The following ANKH variants were observed in gnomAD, a reference collection of about 807,000 sequenced individuals.
The protein encoded by ANKH is ANKH inorganic pyrophosphate transport regulator.
Under a neutral mutation model 49.0 loss-of-function variants are expected in ANKH, and 15 were observed. The observed-to-expected ratio is 0.31, with a 90% CI of 0.20 to 0.47. ANKH has a LOEUF of 0.47. Among genes scored for constraint, ANKH ranks in the 20% least tolerant of loss-of-function variants. The pLI is 1.00. For synonymous variants in ANKH, 273 were observed against 260.0 expected, an observed-to-expected ratio of 1.05 and a Z score of -0.48; for missense variants, 429 against 652.0, an observed-to-expected ratio of 0.66 and a Z score of 3.72.
rs968679127 is a variant in ANKH, at chr5:14,856,447, A to G, written c.96+14905T>C. On this transcript the variant is annotated intron_variant, in intron 1 of 11. Transcript: ENST00000284268. ...TTTACAGTTGAAAAAGTTGAAGCCT[A>G]CAGAGTTCTCTGCTCAAGGTCACAG... 6.6e-5 allele frequency among the ~76,000 whole-genome samples: 7 copies of G among 106,282 alleles called. No individual in the cohort carries two copies. The South Asian group carries it at 1.4e-3, about 21-fold the overall frequency. 69.7% of individuals were successfully genotyped at this position (106,282 alleles called of 152,430 possible).
chr5:14,727,387 A>C (rs1580009919), intron 8 of ANKH, among the ~76,000 whole-genome samples: 1 of 151,958 alleles, frequency 6.6e-6, no homozygotes, highest in South Asian at 2.1e-4. Context: ...TGAAAACTAA[A>C]TCATCCCTTC....
intron 1 of ANKH, among the ~76,000 whole-genome samples, chr5:14,784,707 G>C (rs1739918917): frequency 6.6e-6 from 1 of 152,112 alleles, no homozygotes; most frequent in African/African-American, 2.4e-5. Context: ...GGAAGTCTGG[G>C]TAAAGAAATC....
At chr5:14,871,055 C>T (rs1180339670) in intron 1 of ANKH, 4 of 509,824 alleles carry the variant, frequency 7.8e-6, no homozygotes, top group African/African-American at 1.9e-5. Context: ...CTGAGGTTTA[C>T]ATAATCGCAA....
chr5:14,864,974 T>A (rs1173409158), intron 1 of ANKH, among the ~76,000 whole-genome samples: 1 of 151,776 alleles, frequency 6.6e-6, no homozygotes, highest in East Asian at 1.9e-4. Context: ...TAAAAATAAA[T>A]CGGCGGCCAG....
At chr5:14,849,118 T>C (rs576728003) in intron 1 of ANKH, among the ~76,000 whole-genome samples, 8 of 152,330 alleles carry the variant, frequency 5.3e-5, no homozygotes, top group African/African-American at 1.9e-4. Context: ...CTCCCAGTGC[T>C]ATGCTTACTT....
intron 8 of ANKH, among the ~76,000 whole-genome samples, chr5:14,728,036 C>T (rs1737875354): frequency 6.6e-6 from 1 of 152,168 alleles, no homozygotes; most frequent in African/African-American, 2.4e-5. Flanking sequence ...ACCTAAATTC[C>T]CCCAAAACAA....
chr5:14,816,139 T>TTC (rs1294311005), intron 1 of ANKH, among the ~76,000 whole-genome samples: 1 of 152,224 alleles, frequency 6.6e-6, no homozygotes, highest in African/African-American at 2.4e-5. Context: ...TTATGCTAAA[T>TTC]TCCTTTCTTT....
chr5:14,856,998 T>C (rs1254203506), intron 1 of ANKH, among the ~76,000 whole-genome samples: 3 of 152,190 alleles, frequency 2.0e-5, no homozygotes, highest in Non-Finnish European at 2.9e-5. Context: ...AGTGAACTCA[T>C]TGAAAGAAAG....
chr5:14,713,434 C>T lies in ANKH; in HGVS notation c.1265+110G>A, dbSNP rs1043752204. The T allele has an allele frequency of 2.1e-5, 30 of 1,460,396 alleles. No individual in the cohort carries two copies. Among genetic ancestry groups the T allele is most frequent in the Middle Eastern group, 1.7e-4 (1 of 5,778 alleles). 90.5% of individuals were successfully genotyped at this position (1,460,396 alleles called of 1,614,324 possible). A position where few individuals can be genotyped will look rare whatever the true frequency, so the allele number is the denominator to read the frequency against. ...CACACAAAACATCATTCTGAATTTC[C>T]GATTCTAGACGTGCCTGGGGATTTC... On this transcript the variant is annotated intron_variant, in intron 10 of 11. Coordinates refer to ENST00000284268, the MANE Select transcript of ANKH (RefSeq NM_054027.6). The surrounding 1 kb of genome is among the most constrained non-coding windows in gnomAD (Gnocchi z 4.4).
intron 1 of ANKH, among the ~76,000 whole-genome samples, chr5:14,803,770 A>T (rs879849630): frequency 6.6e-6 from 1 of 152,120 alleles, no homozygotes; most frequent in Non-Finnish European, 1.5e-5. Context: ...GACATCTCTC[A>T]TTCTACATGT....
intron 1 of ANKH, among the ~76,000 whole-genome samples, chr5:14,825,057 A>C (rs113256547): frequency 6.6e-6 from 1 of 152,224 alleles, no homozygotes; most frequent in African/African-American, 2.4e-5. Flanking sequence ...AAGAAAAAAC[A>C]AATATTGAAA....
At chr5:14,721,675 T>A (rs565840361) in intron 8 of ANKH, among the ~76,000 whole-genome samples, 87 of 152,198 alleles carry the variant, frequency 5.7e-4, no homozygotes, top group Non-Finnish European at 1.1e-3. Flanking sequence ...CTCATGCCTG[T>A]AATCCAGCAC....
In ANKH at chr5:14,865,743, G is replaced by A. The variant is rs139548164; in HGVS notation, c.96+5609C>T. 2.4e-4 allele frequency among the ~76,000 whole-genome samples: 36 copies of A among 152,288 alleles called. No individual in the cohort carries two copies. In the East Asian group the frequency reaches 6.9e-3, roughly 29 times the overall value. ...ATGAAATACTTTTGTTATACTTTGG[G>A]AGGAGGTGTGGAGAGGGTGCACTTC... On this transcript the variant is annotated intron_variant, in intron 1 of 11. Coordinates refer to ENST00000284268, the MANE Select transcript of ANKH (RefSeq NM_054027.6).
chr5:14,705,871 C>G lies in ANKH; in HGVS notation c.*5326G>C, dbSNP rs1736928983. The stretch of plus-strand genomic sequence containing the variant: ...TTCAAACCGTGGGTCCCTGCATGTT[C>G]ATGGCCCCACACTTCAGGGAACCAG... On this transcript the variant is annotated 3_prime_UTR_variant, in exon 12 of 12. Transcript: ENST00000284268. The G allele has an allele frequency of 6.6e-6, 1 of 152,228 alleles. No individual in the cohort carries two copies. The highest frequency in any genetic ancestry group is 2.1e-4 in the South Asian group (1 of 4,826). The allele number at this position is 152,228 out of a possible 1,614,324, so 9.4% of individuals were successfully genotyped here. A position where few individuals can be genotyped will look rare whatever the true frequency, so the allele number is the denominator to read the frequency against.
chr5:14,847,608 G>A (rs893040324), intron 1 of ANKH, among the ~76,000 whole-genome samples: 3 of 152,152 alleles, frequency 2.0e-5, no homozygotes, highest in Non-Finnish European at 4.4e-5. Flanking sequence ...ATGGGGCCAC[G>A]TCAGCTGAAT....
At chr5:14,799,136 A>G (rs1289429250) in intron 1 of ANKH, among the ~76,000 whole-genome samples, 1 of 152,254 alleles carries the variant, frequency 6.6e-6, no homozygotes, top group African/African-American at 2.4e-5. Context: ...AACCACCCAC[A>G]ACATTCCCTT....
At chr5:14,741,753 C>A in intron 8 of ANKH, 74 bp downstream of exon 8, 1 of 1,069,954 alleles carries the variant, frequency 9.3e-7, no homozygotes, top group Non-Finnish European at 1.4e-6. Context: ...TAAGATTTCC[C>A]CCTTTAAAAT....
At chr5:14,858,444 T>C (rs1735357494) in intron 1 of ANKH, among the ~76,000 whole-genome samples, 2 of 152,116 alleles carry the variant, frequency 1.3e-5, no homozygotes, top group African/African-American at 2.4e-5. Flanking sequence ...GTGCCAGATG[T>C]GGTGGCTCTC....
At chr5:14,727,518 C>T (rs1216442484) in intron 8 of ANKH, among the ~76,000 whole-genome samples, 1 of 151,680 alleles carries the variant, frequency 6.6e-6, no homozygotes, top group African/African-American at 2.4e-5. Flanking sequence ...TGACATACCT[C>T]AAACAGCAGG....
Sources: gnomAD v4.1 joint callset for allele counts (sites outside exome capture counted in the v4.1 genomes callset) on GRCh38, gnomAD v4.1.1 for gene constraint, Gnocchi (gnomAD v3.1) non-coding constraint, MANE v1.5 for transcripts, NCBI Gene and HGNC (gene_info 2026-07-23, HGNC 2026-07-21) for gene names.